FDFT1: variants seen among roughly 807,000 people sequenced by gnomAD.
FDFT1 encodes farnesyl-diphosphate farnesyltransferase 1.
FDFT1 carries 68 observed loss-of-function variants against 46.8 expected under a neutral mutation model. The ratio of observed to expected loss-of-function variants is 1.45; its 90% CI spans 1.19 to 1.78. The LOEUF is 1.78. Among genes scored for constraint, FDFT1 ranks in the 40% most tolerant of loss-of-function variants. FDFT1 has a pLI of 0.00. For missense variants in FDFT1, 928 were observed against 524.4 expected (o/e 1.77, Z -7.52); for synonymous variants, 351 against 185.1 (o/e 1.90, Z -7.28).
upstream of FDFT1, chr8:11,802,282 C>T (rs963759062): frequency 2.6e-6 from 1 of 385,038 alleles, no homozygotes; most frequent in Non-Finnish European, 5.2e-6. Flanking sequence ...GGCTGCAGAG[C>T]TCACCCGGCT....
upstream of FDFT1, chr8:11,802,271 C>T (rs1806202238): frequency 7.8e-6 from 3 of 382,482 alleles, no homozygotes; most frequent in Non-Finnish European, 1.0e-5. Flanking sequence ...CTACAGAGAG[C>T]GGCTGCAGAG....
intron 3 of FDFT1, among the ~76,000 whole-genome samples, chr8:11,811,790 C>G (rs912987084): frequency 6.6e-6 from 1 of 152,180 alleles, no homozygotes; most frequent in Admixed American, 6.5e-5. Context: ...CTTTTGTATC[C>G]TTACGAATAT....
chr8:11,810,381 C>T (rs946655277), intron 3 of FDFT1, among the ~76,000 whole-genome samples: 1 of 152,172 alleles, frequency 6.6e-6, no homozygotes, highest in Admixed American at 6.5e-5. Context: ...TGGGCAGCAG[C>T]CTGGCATGGG....
intron 1 of FDFT1, among the ~76,000 whole-genome samples, chr8:11,805,525 A>G (rs554825087): frequency 1.3e-5 from 2 of 152,208 alleles, no homozygotes; most frequent in Admixed American, 6.5e-5. Flanking sequence ...TTCTGACGCT[A>G]TTAAGTTAGG....
intron 3 of FDFT1, among the ~76,000 whole-genome samples, chr8:11,819,029 C>T (rs959987956): frequency 6.6e-6 from 1 of 152,094 alleles, no homozygotes; most frequent in African/African-American, 2.4e-5. Context: ...CCTTCAGGAG[C>T]TCTTTTAGGG....
intron 5 of FDFT1, among the ~76,000 whole-genome samples, chr8:11,828,067 T>TG (rs1810252166): frequency 1.3e-5 from 2 of 151,726 alleles, no homozygotes; most frequent in South Asian, 4.2e-4. Context: ...CCAAGTGTGG[T>TG]GGCATACGCT....
intron 7 of FDFT1, among the ~76,000 whole-genome samples, chr8:11,836,903 C>T (rs563135125): frequency 1.3e-5 from 2 of 152,182 alleles, no homozygotes; most frequent in Admixed American, 6.5e-5. Flanking sequence ...CAGGGATGCA[C>T]GCTTGCTGTG....
intron 2 of FDFT1, 48 bp from the exon 3 acceptor site, chr8:11,809,619 T>A (rs776452534): frequency 6.6e-7 from 1 of 1,514,884 alleles, no homozygotes; most frequent in Non-Finnish European, 8.9e-7. Flanking sequence ...AAATAAAAAA[T>A]CTTTGGCTGT....
At chr8:11,809,311 C>T (rs894398413) in intron 2 of FDFT1, 1 of 1,092,778 alleles carries the variant, frequency 9.2e-7, no homozygotes, top group Non-Finnish European at 1.1e-6. Flanking sequence ...CGTATTTATA[C>T]TGAGAAGTTA....
At chr8:11,820,577 G>A (rs1176381437) in intron 3 of FDFT1, among the ~76,000 whole-genome samples, 8 of 152,164 alleles carry the variant, frequency 5.3e-5, no homozygotes, top group Admixed American at 3.9e-4. Flanking sequence ...CAGCAATGGC[G>A]GGGAGGCGCT....
Position 11,826,199 on chromosome 8 carries a change from A to G in FDFT1, c.686A>G (p.Glu229Gly). 6.4e-7 allele frequency: 1 copy of G among 1,557,656 alleles called. No homozygotes were observed. Among genetic ancestry groups the G allele is most frequent in the South Asian group, 1.2e-5 (1 of 85,294 alleles). ...DYLEDQQGGR[E>G]FWPQEVWSRY... is the part of the protein sequence containing the mutation. ...CTGGAAGACCAGCAAGGAGGAAGAG[A>G]GTTCTGGCCTCAAGAGGTAACAGAT... The change falls in exon 5 of 8, where the codon GAG (glutamate) becomes GGG (glycine). Residue 229 changes from glutamate to glycine, a missense_variant. Physicochemically the swap from Glu to Gly is moderately conservative, Grantham distance 98 (BLOSUM62 -2). Transcript: ENST00000220584.
intron 3 of FDFT1, chr8:11,810,107 G>T (rs1020958736): frequency 2.3e-5 from 10 of 426,472 alleles, no homozygotes; most frequent in East Asian, 1.2e-4. Flanking sequence ...TAAAATAGGG[G>T]TAATAATAAC....
rs939375846 is a variant in FDFT1, at chr8:11,839,286, T to G, written c.*677T>G. 6.6e-6 allele frequency: 1 copy of G among 152,562 alleles called. No individual in the cohort carries two copies. Among genetic ancestry groups the G allele is most frequent in the Non-Finnish European group, 1.5e-5 (1 of 68,336 alleles). The allele number at this position is 152,562 out of a possible 1,614,324, so 9.5% of individuals were successfully genotyped here. A position where few individuals can be genotyped will look rare whatever the true frequency, so the allele number is the denominator to read the frequency against. ...TTTGAGATTTTTATAATAAAGAATT[T>G]AATTGCTCTGCATTTGTCAAGTACA... is the stretch of plus-strand genomic sequence containing the variant. On this transcript the variant is annotated 3_prime_UTR_variant, in exon 8 of 8. Coordinates refer to ENST00000220584, the MANE Select transcript of FDFT1 (RefSeq NM_004462.5).
At chr8:11,831,898 C>A in intron 7 of FDFT1, 1 of 442,948 alleles carries the variant, frequency 2.3e-6, no homozygotes, top group Non-Finnish European at 4.0e-6. Flanking sequence ...TGGAGCAAGG[C>A]TGTAGGTTGG....
At position 11,817,910 on chromosome 8, in the gene FDFT1, A is replaced by T. The variant is rs542154753; in HGVS notation, c.382-3840A>T. Among the ~76,000 whole-genome samples the T allele has an allele frequency of 2.4e-4, 36 of 151,552 alleles. No individual in the cohort carries two copies. In the Middle Eastern group the frequency reaches 0.014, roughly 57 times the overall value. ...TTTCTTGCCTTTTACTAGCTTTTCAATTTGTTTGCTCTTGCTTTTCTAGTT... is the reference window on the plus strand; with the variant it reads ...TTTCTTGCCTTTTACTAGCTTTTCATTTTGTTTGCTCTTGCTTTTCTAGTT... On this transcript the variant is annotated intron_variant, in intron 3 of 7. Coordinates refer to ENST00000220584, the MANE Select transcript of FDFT1 (RefSeq NM_004462.5).
rs1810609501 is a variant in FDFT1, at chr8:11,830,371, T to A, written c.830T>A (p.Leu277His). Residue 277 changes from leucine (L) to histidine (H), a missense_variant, in exon 6 of 8, where the codon CTT (leucine) becomes CAT (histidine). Physicochemically the swap from Leu to His is moderately conservative, Grantham distance 99. Transcript: ENST00000220584. ...CACATCCCAGATGTCATCACCTACCTTTCGAGACTCAGAAACCAGAGTGTG... is the reference window on the plus strand; with the variant it reads ...CACATCCCAGATGTCATCACCTACCATTCGAGACTCAGAAACCAGAGTGTG... ...LHHIPDVITY[L>H]SRLRNQSVFN... The A allele has an allele frequency of 6.2e-7, 1 of 1,613,782 alleles. No individual in the cohort carries two copies. The highest frequency in any genetic ancestry group is 8.5e-7 in the Non-Finnish European group (1 of 1,179,874).
intron 3 of FDFT1, among the ~76,000 whole-genome samples, chr8:11,811,859 T>C (rs930049309): frequency 5.9e-5 from 9 of 152,368 alleles, no homozygotes; most frequent in African/African-American, 2.2e-4. Context: ...ACTTGAGTTG[T>C]AGGTCCCTCC....
At chr8:11,812,734 G>T (rs980750578) in intron 3 of FDFT1, among the ~76,000 whole-genome samples, 1 of 152,158 alleles carries the variant, frequency 6.6e-6, no homozygotes, top group Non-Finnish European at 1.5e-5. Flanking sequence ...TTAGGAATAA[G>T]CCTCAATACA....
At chr8:11,825,906 C>G (rs771851527) in intron 4 of FDFT1, 118 bp from the exon 5 acceptor site, 9 of 542,602 alleles carry the variant, frequency 1.7e-5, no homozygotes, top group Non-Finnish European at 2.5e-5. Flanking sequence ...ATTTTAAAAT[C>G]AAAATGCATT....
Sources: gnomAD v4.1 joint callset for allele counts (sites outside exome capture counted in the v4.1 genomes callset) on GRCh38, gnomAD v4.1.1 for gene constraint, MANE v1.5 for transcripts, NCBI Gene and HGNC (gene_info 2026-07-23, HGNC 2026-07-21) for gene names.